The following ATP8A1 variants were observed in gnomAD, a reference collection of about 807,000 sequenced individuals.
The protein encoded by ATP8A1 is phospholipid-transporting ATPase IA.
In ATP8A1, 90 loss-of-function variants were observed where a neutral mutation model predicts 177.7. The observed-to-expected ratio is 0.51, with a 90% confidence interval of 0.43 to 0.60. The LOEUF is 0.60. Ranked by LOEUF, ATP8A1 falls within the 20% of genes least tolerant of loss-of-function variation. ATP8A1 has a pLI of 0.00. For missense variants in ATP8A1, 1,072 were observed against 1,392.8 expected (o/e 0.77, Z 3.67); for synonymous variants, 493 against 485.9 (o/e 1.01, Z -0.19).
intron 24 of ATP8A1, among the ~76,000 whole-genome samples, chr4:42,497,695 T>C (rs1226287123): frequency 6.6e-6 from 1 of 152,206 alleles, no homozygotes; most frequent in Non-Finnish European, 1.5e-5. Context: ...ATGGGTTTGA[T>C]GGAACTTTTT....
rs1560454507 is a variant in ATP8A1, at chr4:42,555,132, TCTATCTA to T, written c.1413+829_1413+835del. ...ATCTATCTATCTATCTATCTATCTA[TCTATCTA>T]ATCTATCTATCTATCTATCTATCTA... On this transcript the variant is annotated intron_variant, in intron 16 of 36. Coordinates refer to ENST00000381668, the MANE Select transcript of ATP8A1 (RefSeq NM_006095.2). 4.0e-3 allele frequency among the ~76,000 whole-genome samples: 301 copies of T among 75,878 alleles called. 7 individuals carry two copies. The highest frequency in any genetic ancestry group is 4.5e-3 in the East Asian group (13 of 2,860). 49.8% of individuals were successfully genotyped at this position (75,878 alleles called of 152,430 possible). A position where few individuals can be genotyped will look rare whatever the true frequency, so the allele number is the denominator to read the frequency against.
chr4:42,629,536 T>C (rs1459886316), intron 1 of ATP8A1, among the ~76,000 whole-genome samples: 1 of 152,222 alleles, frequency 6.6e-6, no homozygotes, highest in Admixed American at 6.5e-5. Context: ...ACCTCTCCCC[T>C]GTCTCCTCAG....
At chr4:42,636,162 A>ACGCGCGTGCGCGCGCGCGCGCG (rs1327787678) in intron 1 of ATP8A1, among the ~76,000 whole-genome samples, 1 of 102,816 alleles carries the variant, frequency 9.7e-6, no homozygotes, top group Non-Finnish European at 2.1e-5. Flanking sequence ...ACACACGCAC[A>ACGCGCGTGCGCGCGCGCGCGCG]CACACACACA....
At chr4:42,455,872 G>C (rs953608969) in intron 27 of ATP8A1, among the ~76,000 whole-genome samples, 3 of 152,050 alleles carry the variant, frequency 2.0e-5, no homozygotes, top group Non-Finnish European at 4.4e-5. Flanking sequence ...AAATAATCTT[G>C]TTTTTCTTAA....
intron 22 of ATP8A1, among the ~76,000 whole-genome samples, chr4:42,511,720 T>G (rs1026038413): frequency 2.6e-5 from 4 of 152,200 alleles, no homozygotes; most frequent in African/African-American, 9.6e-5. Context: ...CTTTAGAAAT[T>G]ATGATTTTTC....
chr4:42,482,195 C>T (rs909385178), intron 25 of ATP8A1, among the ~76,000 whole-genome samples: 4 of 16,540 alleles, frequency 2.4e-4, no homozygotes, highest in African/African-American at 2.7e-4. Context: ...TCCAGCTACT[C>T]GGGAGCTGAG....
chr4:42,612,273 C>T (rs946941970), intron 5 of ATP8A1, among the ~76,000 whole-genome samples: 2 of 151,636 alleles, frequency 1.3e-5, no homozygotes, highest in African/African-American at 2.4e-5. Flanking sequence ...ATTATGTATA[C>T]TGAAGTATTT....
At chr4:42,578,973 C>T (rs908151988) in intron 11 of ATP8A1, among the ~76,000 whole-genome samples, 19 of 151,932 alleles carry the variant, frequency 1.3e-4, no homozygotes, top group Admixed American at 2.6e-4. Flanking sequence ...AAATCAGTAA[C>T]TATAAAAACA....
At chr4:42,428,019 T>C (rs1714817818) in intron 33 of ATP8A1, among the ~76,000 whole-genome samples, 1 of 152,202 alleles carries the variant, frequency 6.6e-6, no homozygotes, top group South Asian at 2.1e-4. Context: ...ATTAGGCAAA[T>C]GTGCATCCCT....
Position 42,410,310 on chromosome 4 carries a change from T to C in ATP8A1, c.*2606A>G, listed in dbSNP as rs756202450. On this transcript the variant is annotated 3_prime_UTR_variant, in exon 37 of 37. Coordinates refer to ENST00000381668, the MANE Select transcript of ATP8A1 (RefSeq NM_006095.2). The stretch of plus-strand genomic sequence containing the variant: ...GGATTTTCTATTATAAGTCGTATTG[T>C]CTGAATTGTAAACATTGTAAAGCAA... 1.1e-4 allele frequency: 17 copies of C among 152,210 alleles called. No homozygotes were observed. Among genetic ancestry groups the C allele is most frequent in the Non-Finnish European group, 1.8e-4 (12 of 68,038 alleles). 9.4% of individuals were successfully genotyped at this position (152,210 alleles called of 1,614,324 possible).
intron 2 of ATP8A1, chr4:42,626,489 C>G (rs192781243): frequency 7.2e-4 from 112 of 155,568 alleles, no homozygotes; most frequent in Non-Finnish European, 1.3e-3. Context: ...AGTGCTTACA[C>G]AGATACTTTT....
Position 42,575,017 on chromosome 4 carries a change from A to G in ATP8A1, c.1207-310T>C, listed in dbSNP as rs116575540. Among the ~76,000 whole-genome samples, 1,195 of 152,362 alleles carry G rather than the reference A, an allele frequency of 7.8e-3. 14 individuals carry two copies. Among genetic ancestry groups the G allele is most frequent in the African/African-American group, 0.027 (1,117 of 41,592 alleles). On this transcript the variant is annotated intron_variant, in intron 13 of 36. Coordinates refer to ENST00000381668, the MANE Select transcript of ATP8A1 (RefSeq NM_006095.2). Reference sequence around the variant, plus strand: ...CTTAACATTTACAGAGCACTGAAACAGCTATCAGCATTTCTCAATGCAACA... The same window carrying G: ...CTTAACATTTACAGAGCACTGAAACGGCTATCAGCATTTCTCAATGCAACA...
chr4:42,581,589 G>A, intron 10 of ATP8A1, 32 bp downstream of exon 10: 2 of 1,492,182 alleles, frequency 1.3e-6, no homozygotes, highest in Non-Finnish European at 1.9e-6. Context: ...AAAAGCCTTA[G>A]GTCCAAAAGG....
intron 10 of ATP8A1, among the ~76,000 whole-genome samples, 160 bp downstream of exon 10, chr4:42,581,460 CA>C (rs1733067309): frequency 6.6e-6 from 1 of 152,184 alleles, no homozygotes; most frequent in South Asian, 2.1e-4. Flanking sequence ...GAGGTAATTT[CA>C]AGGTCCCACT....
At chr4:42,579,740 G>A (rs1732827683) in intron 11 of ATP8A1, 73 bp downstream of exon 11, 5 of 1,309,940 alleles carry the variant, frequency 3.8e-6, no homozygotes, top group Non-Finnish European at 5.3e-6. Flanking sequence ...ACGAAATAAA[G>A]TAAATCAAGA....
At chr4:42,453,141 T>C (rs1718112662) in intron 29 of ATP8A1, among the ~76,000 whole-genome samples, 1 of 152,222 alleles carries the variant, frequency 6.6e-6, no homozygotes, top group Non-Finnish European at 1.5e-5. Flanking sequence ...TTTTCCTGAC[T>C]GATACTTATT....
Position 42,424,173 on chromosome 4 carries a change from A to G in ATP8A1, c.3124-468T>C, listed in dbSNP as rs541282870. The stretch of plus-strand genomic sequence containing the variant: ...CCTGTTATTGCTAAAGTCAAACCAA[A>G]TATCTTGTATGTAAAAGCCAAATAA... On this transcript the variant is annotated intron_variant, in intron 33 of 36. Coordinates refer to ENST00000381668, the MANE Select transcript of ATP8A1 (RefSeq NM_006095.2). Among the ~76,000 whole-genome samples, 15 of 152,202 alleles carry G rather than the reference A, an allele frequency of 9.9e-5. No homozygotes were observed. In the South Asian group the frequency reaches 2.1e-3, roughly 21 times the overall value.
At chr4:42,450,605 T>C (rs1319485588) in intron 30 of ATP8A1, among the ~76,000 whole-genome samples, 1 of 152,206 alleles carries the variant, frequency 6.6e-6, no homozygotes, top group Non-Finnish European at 1.5e-5. Flanking sequence ...AGCCTAGACA[T>C]TGAAAAGTAT....
chr4:42,570,239 T>G (rs1022756416), intron 14 of ATP8A1, among the ~76,000 whole-genome samples: 8 of 152,068 alleles, frequency 5.3e-5, no homozygotes, highest in Admixed American at 2.0e-4. Flanking sequence ...ACAATGGAGG[T>G]GGTCCCTTTT....
Sources: gnomAD v4.1 joint callset for allele counts (sites outside exome capture counted in the v4.1 genomes callset) on GRCh38, gnomAD v4.1.1 for gene constraint, MANE v1.5 for transcripts, NCBI Gene and HGNC (gene_info 2026-07-23, HGNC 2026-07-21) for gene names.